The following NCAM1 variants were observed in gnomAD, a reference collection of about 807,000 sequenced individuals.
NCAM1 encodes neural cell adhesion molecule 1, also known as antigen recognized by monoclonal antibody 5.1H11.
In NCAM1, 14 loss-of-function variants were observed where a neutral mutation model predicts 109.8. The ratio of observed to expected loss-of-function variants is 0.13; its 90% CI spans 0.08 to 0.20. The LOEUF is 0.20. Ranked by LOEUF, NCAM1 falls within the 10% of genes least tolerant of loss-of-function variation. The pLI is 1.00. For missense variants in NCAM1, 774 were observed against 1,109.9 expected, an observed-to-expected ratio of 0.70 and a Z score of 4.30; for synonymous variants, 418 against 442.9, an observed-to-expected ratio of 0.94 and a Z score of 0.70.
intron 1 of NCAM1, among the ~76,000 whole-genome samples, chr11:113,140,792 T>C (rs1367381481): frequency 2.6e-5 from 4 of 152,232 alleles, no homozygotes; most frequent in African/African-American, 9.6e-5. Context: ...TATTGTTTTA[T>C]AAATTATATG....
intron 1 of NCAM1, among the ~76,000 whole-genome samples, chr11:113,168,568 A>G (rs1942886366): frequency 6.6e-6 from 1 of 152,228 alleles, no homozygotes; most frequent in African/African-American, 2.4e-5. Flanking sequence ...AGTTCGTTGC[A>G]GTGTTGATAT....
intron 14 of NCAM1, chr11:113,243,738 C>A: frequency 2.3e-5 from 7 of 308,306 alleles, no homozygotes; most frequent in Admixed American, 6.9e-5. Context: ...TCTGCTTGCA[C>A]AGAAAAAAAA....
intron 16 of NCAM1, 112 bp from the exon 17 acceptor site, chr11:113,260,034 A>G (rs782400047): frequency 8.6e-5 from 82 of 953,380 alleles, no homozygotes; most frequent in Non-Finnish European, 1.2e-4. Context: ...TCATGATTTC[A>G]TGCCAAAAGT....
At chr11:113,086,225 A>G (rs782335265) in intron 1 of NCAM1, among the ~76,000 whole-genome samples, 12 of 152,220 alleles carry the variant, frequency 7.9e-5, no homozygotes, top group Non-Finnish European at 1.3e-4. Context: ...AGCTGTGAAC[A>G]AGAAGGTGCA....
chr11:112,966,095 A>T (rs1443159136), intron 1 of NCAM1, among the ~76,000 whole-genome samples: 4 of 152,204 alleles, frequency 2.6e-5, no homozygotes, highest in Non-Finnish European at 4.4e-5. Context: ...ATCATTTTTC[A>T]GTTTAGCAGT....
chr11:113,003,308 C>T (rs1262351298), intron 1 of NCAM1, among the ~76,000 whole-genome samples: 1 of 152,198 alleles, frequency 6.6e-6, no homozygotes, highest in Non-Finnish European at 1.5e-5. Context: ...ACCGCTAATG[C>T]TTTTATTTGT....
At chr11:113,100,231 G>A (rs563762602) in intron 1 of NCAM1, among the ~76,000 whole-genome samples, 1 of 152,298 alleles carries the variant, frequency 6.6e-6, no homozygotes, top group East Asian at 1.9e-4. Context: ...TTGCTTACAA[G>A]GGGTGTGGTT....
chr11:113,041,027 C>G (rs979171438), intron 1 of NCAM1: 1 of 152,080 alleles, frequency 6.6e-6, no homozygotes, highest in Admixed American at 6.6e-5. Context: ...AATAGCATGG[C>G]ATAGTTTCCA....
intron 1 of NCAM1, among the ~76,000 whole-genome samples, chr11:113,180,018 G>C (rs1943283524): frequency 6.6e-6 from 1 of 152,202 alleles, no homozygotes; most frequent in African/African-American, 2.4e-5. Flanking sequence ...TGGGCACACA[G>C]AACAAGACCC....
intron 1 of NCAM1, among the ~76,000 whole-genome samples, chr11:113,114,288 G>C (rs1178517529): frequency 6.6e-6 from 1 of 152,154 alleles, no homozygotes; most frequent in Non-Finnish European, 1.5e-5. Flanking sequence ...GGGAACTCTA[G>C]AGAGGTTTGG....
At chr11:113,223,968 G>A (rs534163773) in intron 9 of NCAM1, among the ~76,000 whole-genome samples, 17 of 152,310 alleles carry the variant, frequency 1.1e-4, no homozygotes, top group African/African-American at 1.4e-4. Flanking sequence ...CAAGATGGCC[G>A]AATAAGAACA....
At chr11:113,194,079 C>A (rs1943780008) in intron 1 of NCAM1, among the ~76,000 whole-genome samples, 1 of 152,124 alleles carries the variant, frequency 6.6e-6, no homozygotes, top group African/African-American at 2.4e-5. Context: ...GAGCCAGTCC[C>A]CAATTATGCC....
At chr11:113,172,630 C>G (rs1212106306) in intron 1 of NCAM1, among the ~76,000 whole-genome samples, 3 of 152,100 alleles carry the variant, frequency 2.0e-5, no homozygotes, top group African/African-American at 7.2e-5. Context: ...CTGTTACAGT[C>G]TGTGGGAGAG....
intron 1 of NCAM1, among the ~76,000 whole-genome samples, chr11:112,964,064 C>T (rs1423122230): frequency 1.4e-5 from 2 of 143,802 alleles, no homozygotes; most frequent in African/African-American, 5.2e-5. Context: ...GAATTCAAGT[C>T]AAAGGGTTAG....
intron 1 of NCAM1, among the ~76,000 whole-genome samples, chr11:113,166,397 T>G (rs1266504212): frequency 6.6e-6 from 1 of 152,164 alleles, no homozygotes; most frequent in Non-Finnish European, 1.5e-5. Context: ...TCCACGTCAG[T>G]GAGCCAGCCA....
chr11:113,201,610 A>G, intron 1 of NCAM1, among the ~76,000 whole-genome samples: 1 of 152,236 alleles, frequency 6.6e-6, no homozygotes, highest in Non-Finnish European at 1.5e-5. Context: ...GATCTGGCGC[A>G]GTGTATTTTG....
intron 17 of NCAM1, among the ~76,000 whole-genome samples, chr11:113,266,562 C>T (rs1354783279): frequency 2.0e-5 from 3 of 152,120 alleles, no homozygotes; most frequent in East Asian, 1.9e-4. Flanking sequence ...GACCTAGGAG[C>T]GTGGTCCTCA....
intron 8 of NCAM1, among the ~76,000 whole-genome samples, chr11:113,220,847 G>C (rs1469266271): frequency 2.6e-5 from 4 of 151,920 alleles, no homozygotes; most frequent in African/African-American, 9.7e-5. Flanking sequence ...CTGACCTCGT[G>C]ATCTGCCTGC....
At chr11:113,271,229 G>A (rs1229746541) in intron 18 of NCAM1, among the ~76,000 whole-genome samples, 2 of 151,950 alleles carry the variant, frequency 1.3e-5, no homozygotes, top group Non-Finnish European at 2.9e-5. Flanking sequence ...AATTAGCCAG[G>A]CGTGGTGGCA....
Sources: allele counts gnomAD v4.1 joint callset (sites outside exome capture counted in the v4.1 genomes callset), GRCh38; gene constraint gnomAD v4.1.1; transcripts MANE v1.5; gene names NCBI Gene and HGNC (gene_info 2026-07-23, HGNC 2026-07-21).